ETS1: variants seen among roughly 807,000 people sequenced by gnomAD.
ETS1 encodes protein C-ets-1.
Under a neutral mutation model 58.6 loss-of-function variants are expected in ETS1, and 15 were observed. The observed-to-expected ratio is 0.26, with a 90% CI of 0.17 to 0.39. ETS1 has a LOEUF of 0.39. ETS1 is among the 10% of genes least tolerant of loss of function. The probability of loss-of-function intolerance (pLI) is 1.00; values close to 1 mark genes in which losing one functional copy is unlikely to be tolerated. For synonymous variants in ETS1, 214 were observed against 218.2 expected, an observed-to-expected ratio of 0.98 and a Z score of 0.17; for missense variants, 417 against 610.5, an observed-to-expected ratio of 0.68 and a Z score of 3.34.
At chr11:128,559,904 G>C (rs1259732010) in intron 2 of ETS1, among the ~76,000 whole-genome samples, 3 of 152,116 alleles carry the variant, frequency 2.0e-5, no homozygotes, top group Non-Finnish European at 4.4e-5. Context: ...CCTGCTTATT[G>C]GGCCTCTTCA....
intron 3 of ETS1, among the ~76,000 whole-genome samples, chr11:128,543,592 C>CA (rs1244739719): frequency 6.6e-6 from 1 of 152,212 alleles, no homozygotes; most frequent in Admixed American, 6.5e-5. Context: ...TTTTGTCTCT[C>CA]TCACTGCAGC....
chr11:128,514,433 T>G (rs1253765226), intron 3 of ETS1, among the ~76,000 whole-genome samples: 1 of 152,186 alleles, frequency 6.6e-6, no homozygotes, highest in Admixed American at 6.5e-5. Flanking sequence ...TCTAAGCATC[T>G]CTTTCATTCC....
chr11:128,484,785 G>A (rs768030211), intron 7 of ETS1, 38 bp downstream of exon 7: 11 of 1,573,596 alleles, frequency 7.0e-6, no homozygotes, highest in African/African-American at 6.8e-5. Context: ...GGTAATTCTT[G>A]TAAACCCAAG....
chr11:128,475,370 G>T (rs1862293480), intron 8 of ETS1, among the ~76,000 whole-genome samples: 1 of 152,152 alleles, frequency 6.6e-6, no homozygotes, highest in Non-Finnish European at 1.5e-5. Flanking sequence ...TGTTTTAGCA[G>T]TAGTTTTGGG....
chr11:128,556,259 T>C, intron 3 of ETS1, 32 bp downstream of exon 3: 1 of 1,582,546 alleles, frequency 6.3e-7, no homozygotes, highest in Non-Finnish European at 8.6e-7. Context: ...TTCAACTCTA[T>C]CCTCATTCCC....
intron 3 of ETS1, among the ~76,000 whole-genome samples, chr11:128,551,605 A>G (rs1864230689): frequency 6.6e-6 from 1 of 152,212 alleles, no homozygotes; most frequent in Admixed American, 6.5e-5. Context: ...ATGTAAATGT[A>G]CACCCACACA....
chr11:128,564,857 G>A (rs1864464164), intron 2 of ETS1, among the ~76,000 whole-genome samples: 2 of 152,104 alleles, frequency 1.3e-5, no homozygotes, highest in South Asian at 4.1e-4. Flanking sequence ...AACTTGCCAT[G>A]GCCAGAAGAC....
At chr11:128,565,347 G>A (rs573423369) in intron 2 of ETS1, among the ~76,000 whole-genome samples, 1 of 152,338 alleles carries the variant, frequency 6.6e-6, no homozygotes, top group African/African-American at 2.4e-5. Context: ...ACCAGACACA[G>A]AGACTGCCAA....
At position 128,502,027 on chromosome 11, in the gene ETS1, A is replaced by G. The variant is rs548733634; in HGVS notation, c.215-11451T>C. 4.5e-3 allele frequency among the ~76,000 whole-genome samples: 682 copies of G among 151,982 alleles called. 3 individuals carry two copies. The highest frequency in any genetic ancestry group is 7.1e-3 in the Non-Finnish European group (480 of 67,938). ...GGGTGGAGAGAGAGAGAGAGAGAGA[A>G]AGAGAGCTGCAGCCACAGCATTGCT... On this transcript the variant is annotated intron_variant, in intron 3 of 9. Coordinates refer to ENST00000392668, the MANE Select transcript of ETS1 (RefSeq NM_001143820.2).
At chr11:128,530,809 C>T (rs1486543638) in intron 3 of ETS1, among the ~76,000 whole-genome samples, 2 of 152,146 alleles carry the variant, frequency 1.3e-5, no homozygotes, top group Non-Finnish European at 2.9e-5. Flanking sequence ...TTCTAAAAAT[C>T]AAGAAGATTA....
At chr11:128,575,311 C>T (rs975506509) in intron 1 of ETS1, among the ~76,000 whole-genome samples, 2 of 151,274 alleles carry the variant, frequency 1.3e-5, no homozygotes, top group African/African-American at 4.9e-5. Context: ...TGTGGTTTCT[C>T]TCTCTCTCTC....
At chr11:128,563,088 T>G (rs1007249377) in intron 2 of ETS1, among the ~76,000 whole-genome samples, 5 of 152,176 alleles carry the variant, frequency 3.3e-5, no homozygotes, top group African/African-American at 1.2e-4. Context: ...AGAACAGTCT[T>G]CAATGTCCAC....
chr11:128,475,851 C>T (rs575431770), intron 8 of ETS1, among the ~76,000 whole-genome samples: 46 of 151,620 alleles, frequency 3.0e-4, no homozygotes, highest in Non-Finnish European at 4.3e-4. Flanking sequence ...GCACCCGGCC[C>T]GGGGCTTCTT....
At chr11:128,520,969 G>T (rs1215850462) in intron 3 of ETS1, among the ~76,000 whole-genome samples, 2 of 152,084 alleles carry the variant, frequency 1.3e-5, no homozygotes, top group Non-Finnish European at 2.9e-5. Context: ...CTTCTCCCTA[G>T]ATCTTTCTAT....
At chr11:128,526,838 G>A in intron 3 of ETS1, 1 of 445,284 alleles carries the variant, frequency 2.2e-6, no homozygotes, top group African/African-American at 2.0e-5. Context: ...ACATGTTAGA[G>A]CTCAATGGGA....
At chr11:128,497,805 C>T (rs548612584) in intron 3 of ETS1, among the ~76,000 whole-genome samples, 4 of 152,286 alleles carry the variant, frequency 2.6e-5, no homozygotes, top group South Asian at 4.2e-4. Flanking sequence ...GCAAATGTTT[C>T]GAAGTCAGAG....
At chr11:128,476,489 A>T (rs374459230) in intron 8 of ETS1, among the ~76,000 whole-genome samples, 1 of 152,264 alleles carries the variant, frequency 6.6e-6, no homozygotes, top group African/African-American at 2.4e-5. Flanking sequence ...ATGCAATTAC[A>T]TACATGGCCT....
At chr11:128,509,853 T>A (rs1368047121) in intron 3 of ETS1, among the ~76,000 whole-genome samples, 4 of 152,200 alleles carry the variant, frequency 2.6e-5, no homozygotes, top group African/African-American at 7.2e-5. Context: ...CTGGACTCAA[T>A]TTCTTATCTA....
At position 128,485,976 on chromosome 11, in the gene ETS1, G is replaced by C; in HGVS notation, c.613+93C>G. On this transcript the variant is annotated intron_variant, in intron 6 of 9. Coordinates refer to ENST00000392668, the MANE Select transcript of ETS1 (RefSeq NM_001143820.2). ...ATCTAAGAAGATATTATTTTTGATA[G>C]AATTACCATGAAGGAGCCTGAGATT... 5.4e-6 allele frequency: 4 copies of C among 745,622 alleles called. No homozygotes were observed. In the South Asian group the frequency reaches 6.4e-5, roughly 12 times the overall value. 46.2% of individuals were successfully genotyped at this position (745,622 alleles called of 1,614,324 possible). A position where few individuals can be genotyped will look rare whatever the true frequency, so the allele number is the denominator to read the frequency against.
Sources: allele counts gnomAD v4.1 joint callset (sites outside exome capture counted in the v4.1 genomes callset), GRCh38; gene constraint gnomAD v4.1.1; transcripts MANE v1.5; gene names NCBI Gene and HGNC (gene_info 2026-07-23, HGNC 2026-07-21).